The following LCOR variants were observed in gnomAD, a reference collection of about 807,000 sequenced individuals.
LCOR encodes the protein ligand-dependent corepressor.
LCOR carries 14 observed loss-of-function variants against 64.4 expected under a neutral mutation model. The observed-to-expected ratio is 0.22, with a 90% CI of 0.14 to 0.34. The LOEUF is 0.34. Ranked by LOEUF, LCOR falls within the 10% of genes least tolerant of loss-of-function variation. The pLI is 1.00. For synonymous variants in LCOR, 643 were observed against 642.5 expected (o/e 1.00, Z -0.01); for missense variants, 1,686 against 1,765.3 (o/e 0.96, Z 0.80).
At chr10:96,948,571 A>G (rs1847625134) in intron 5 of LCOR, among the ~76,000 whole-genome samples, 2 of 152,240 alleles carry the variant, frequency 1.3e-5, no homozygotes, top group Admixed American at 6.5e-5. Context: ...TCTTTAATAT[A>G]AAGTAAATTA....
At chr10:96,920,624 GTA>G (rs1564626282) in intron 4 of LCOR, among the ~76,000 whole-genome samples, 1 of 142,874 alleles carries the variant, frequency 7.0e-6, no homozygotes, top group African/African-American at 2.6e-5. Context: ...GTGTATATAT[GTA>G]TGTACATTCA....
At chr10:96,926,503 T>C (rs928079840) in intron 4 of LCOR, among the ~76,000 whole-genome samples, 21 of 152,184 alleles carry the variant, frequency 1.4e-4, no homozygotes, top group Admixed American at 1.1e-3. Context: ...GAGTTGAAAG[T>C]CAGTGATATA....
At chr10:96,879,353 C>T (rs1846222411) in intron 2 of LCOR, among the ~76,000 whole-genome samples, 1 of 152,146 alleles carries the variant, frequency 6.6e-6, no homozygotes, top group South Asian at 2.1e-4. Context: ...CTGTGCAGTG[C>T]TGCTTTCCTT....
In LCOR at chr10:96,935,139, C is replaced by CTTTT. The variant is rs34176037; in HGVS notation, c.-183-8950_-183-8947dup. ...TTTTCCTTATCTCCTGGCTATTTTA[C>CTTTT]TTTTTTTTTTTTTTTTTTTTTTTTT... On this transcript the variant is annotated intron_variant, in intron 4 of 7. Coordinates refer to ENST00000421806, the MANE Select transcript of LCOR (RefSeq NM_001346516.2). Among the ~76,000 whole-genome samples, 35 of 65,546 alleles carry CTTTT rather than the reference C, an allele frequency of 5.3e-4. 3 individuals carry two copies. Among genetic ancestry groups the CTTTT allele is most frequent in the Admixed American group, 8.2e-4 (5 of 6,106 alleles). The allele number at this position is 65,546 out of a possible 152,430, so 43.0% of individuals were successfully genotyped here.
In LCOR at chr10:96,877,598, A is replaced by ATT. The variant is rs57119025; in HGVS notation, c.-329-29637_-329-29636dup. 1.4e-3 allele frequency among the ~76,000 whole-genome samples: 91 copies of ATT among 65,686 alleles called. 5 individuals carry two copies. Among genetic ancestry groups the ATT allele is most frequent in the South Asian group, 1.8e-3 (2 of 1,132 alleles). 43.1% of individuals were successfully genotyped at this position (65,686 alleles called of 152,430 possible). ...CAAGGGTGTCAACTCATTTTTCTGA[A>ATT]TTTTTTTTTTTTTTTTTTTTTTTTT... On this transcript the variant is annotated intron_variant, in intron 2 of 7. Transcript: ENST00000421806.
chr10:96,836,964 T>C (rs547304701), intron 2 of LCOR, among the ~76,000 whole-genome samples: 1 of 152,054 alleles, frequency 6.6e-6, no homozygotes, highest in Non-Finnish European at 1.5e-5. Flanking sequence ...AGGATTTCAT[T>C]GTGGAACTCT....
chr10:96,852,242 CT>C (rs1433088775), intron 2 of LCOR, among the ~76,000 whole-genome samples: 1 of 152,158 alleles, frequency 6.6e-6, no homozygotes, highest in Non-Finnish European at 1.5e-5. Context: ...CATAGTGAGA[CT>C]TTGTCTCTAC....
At chr10:96,882,865 A>G (rs1295999783) in intron 2 of LCOR, among the ~76,000 whole-genome samples, 4 of 151,934 alleles carry the variant, frequency 2.6e-5, no homozygotes, top group Admixed American at 1.3e-4. Context: ...TCACTTAGTA[A>G]TACACTTCTT....
intron 4 of LCOR, among the ~76,000 whole-genome samples, chr10:96,920,592 A>ATG (rs2134471974): frequency 6.8e-6 from 1 of 147,162 alleles, no homozygotes; most frequent in Non-Finnish European, 1.5e-5. Flanking sequence ...ATATGTGTAT[A>ATG]TATGTATGTA....
chr10:96,837,883 C>T (rs1329298399), intron 2 of LCOR, among the ~76,000 whole-genome samples: 3 of 152,190 alleles, frequency 2.0e-5, no homozygotes, highest in African/African-American at 7.2e-5. Flanking sequence ...TCTCTTAATT[C>T]ATATTTCCCG....
In LCOR at chr10:96,988,891, G is replaced by T. The variant is rs1395256744; in HGVS notation, c.*3757G>T. 4 of 152,188 alleles carry T rather than the reference G, an allele frequency of 2.6e-5. No individual in the cohort carries two copies. The highest frequency in any genetic ancestry group is 5.9e-5 in the Non-Finnish European group (4 of 68,040). The allele number at this position is 152,188 out of a possible 1,614,324, so 9.4% of individuals were successfully genotyped here. On this transcript the variant is annotated 3_prime_UTR_variant, in exon 8 of 8. Transcript: ENST00000421806. ...TTAAGTTCTGTCTGCGGCTGCTTTC[G>T]CACTGCAAGAGCAGAGTTGAGTAGC...
intron 2 of LCOR, among the ~76,000 whole-genome samples, chr10:96,847,173 G>C (rs1845643836): frequency 6.6e-6 from 1 of 152,064 alleles, no homozygotes; most frequent in African/African-American, 2.4e-5. Flanking sequence ...GAGCCTGGGA[G>C]GTCAAGCCTG....
chr10:96,879,978 T>A (rs958244169), intron 2 of LCOR, among the ~76,000 whole-genome samples: 1 of 152,242 alleles, frequency 6.6e-6, no homozygotes, highest in Non-Finnish European at 1.5e-5. Flanking sequence ...TGTATCTTTA[T>A]GATTCTGTTT....
intron 7 of LCOR, among the ~76,000 whole-genome samples, chr10:96,953,898 T>C (rs569095481): frequency 2.0e-5 from 3 of 152,360 alleles, no homozygotes; most frequent in African/African-American, 7.2e-5. Context: ...TTGTGCCTAA[T>C]TAATGTAATC....
chr10:96,984,841 A>G lies in LCOR; in HGVS notation c.4381A>G (p.Lys1461Glu), dbSNP rs763775015. The change falls in exon 8 of 8, where the codon AAA (lysine) becomes GAA (glutamate). Residue 1461 changes from lysine to glutamate, a missense_variant. Coordinates refer to ENST00000421806, the MANE Select transcript of LCOR (RefSeq NM_001346516.2). ...SLKENKVKIPKKSAGKSCPPS... is the reference protein window; with the variant it reads ...SLKENKVKIPEKSAGKSCPPS... ...GAAAGAGAATAAAGTGAAGATCCCT[A>G]AAAAGTCCGCTGGGAAGAGCTGCCC... 1 of 1,614,162 alleles carries G rather than the reference A, an allele frequency of 6.2e-7. No homozygotes were observed.
chr10:96,833,213 T>A, intron 1 of LCOR, 193 bp from the exon 2 acceptor site: 1 of 980,098 alleles, frequency 1.0e-6, no homozygotes, highest in Non-Finnish European at 1.2e-6. Flanking sequence ...TCTCGTCCCC[T>A]CCCGGGGATT....
chr10:96,833,899 T>C (rs1845394395), intron 2 of LCOR, among the ~76,000 whole-genome samples: 2 of 151,000 alleles, frequency 1.3e-5, no homozygotes, highest in South Asian at 4.2e-4. Flanking sequence ...AATAGACATA[T>C]CTGTTGGGGG....
At chr10:96,906,393 G>T (rs1262981436) in intron 2 of LCOR, among the ~76,000 whole-genome samples, 1 of 152,104 alleles carries the variant, frequency 6.6e-6, no homozygotes, top group Admixed American at 6.5e-5. Flanking sequence ...AACATTTTGG[G>T]AACCACTGCT....
intron 4 of LCOR, among the ~76,000 whole-genome samples, chr10:96,926,739 A>G (rs1011485227): frequency 2.0e-5 from 3 of 152,200 alleles, no homozygotes; most frequent in African/African-American, 7.2e-5. Flanking sequence ...GACCTGCACA[A>G]TTATGAGTTT....
Sources: gnomAD v4.1 joint callset for allele counts (sites outside exome capture counted in the v4.1 genomes callset) on GRCh38, gnomAD v4.1.1 for gene constraint, MANE v1.5 for transcripts, NCBI Gene and HGNC (gene_info 2026-07-23, HGNC 2026-07-21) for gene names.